CACNA1I: variants seen among roughly 807,000 people sequenced by gnomAD.
CACNA1I encodes the protein voltage-dependent T-type calcium channel subunit alpha-1I.
CACNA1I carries 74 observed loss-of-function variants against 201.6 expected under a neutral mutation model. The ratio of observed to expected loss-of-function variants is 0.37; its 90% CI spans 0.30 to 0.45. The LOEUF (loss-of-function observed/expected upper bound fraction) is 0.45. CACNA1I is among the 20% of genes least tolerant of loss of function. The probability of loss-of-function intolerance (pLI) is 1.00; values close to 1 mark genes in which losing one functional copy is unlikely to be tolerated. For missense variants in CACNA1I, 2,346 were observed against 3,138.1 expected (o/e 0.75, Z 6.03); for synonymous variants, 1,431 against 1,345.2 (o/e 1.06, Z -1.40).
intron 7 of CACNA1I, among the ~76,000 whole-genome samples, chr22:39,644,983 C>T (rs1042161083): frequency 1.9e-4 from 29 of 149,842 alleles, no homozygotes; most frequent in African/African-American, 6.4e-4. Context: ...CCGCAGCCCC[C>T]GGCCCCCAGT....
chr22:39,653,692 T>A (rs12170753), intron 10 of CACNA1I, among the ~76,000 whole-genome samples: 1 of 152,060 alleles, frequency 6.6e-6, no homozygotes, highest in East Asian at 1.9e-4. Context: ...TGGGGCAGAG[T>A]GACCTCAGGC....
intron 1 of CACNA1I, among the ~76,000 whole-genome samples, chr22:39,586,561 G>A (rs1211176852): frequency 6.6e-6 from 1 of 152,136 alleles, no homozygotes; most frequent in Non-Finnish European, 1.5e-5. Flanking sequence ...GCACAGAAAA[G>A]GTTAAGAACC....
chr22:39,591,649 C>T (rs1194508744), intron 1 of CACNA1I, among the ~76,000 whole-genome samples: 1 of 152,148 alleles, frequency 6.6e-6, no homozygotes, highest in Admixed American at 6.5e-5. Flanking sequence ...ACCTCCACCT[C>T]CCGGGTTCAA....
chr22:39,598,428 T>C (rs576745654), intron 2 of CACNA1I, among the ~76,000 whole-genome samples, 166 bp downstream of exon 2: 1 of 147,358 alleles, frequency 6.8e-6, no homozygotes, highest in East Asian at 2.0e-4. Flanking sequence ...TACCAAGCGC[T>C]GCCGCACTCA....
chr22:39,607,012 C>A (rs1933239693), intron 3 of CACNA1I, among the ~76,000 whole-genome samples: 1 of 152,072 alleles, frequency 6.6e-6, no homozygotes, highest in African/African-American at 2.4e-5. Flanking sequence ...ATGGCCATTG[C>A]CACCTGTGGG....
At position 39,686,362 on chromosome 22, in the gene CACNA1I, G is replaced by T; in HGVS notation, c.6629G>T (p.Gly2210Val). 1 of 1,312,744 alleles carries T rather than the reference G, an allele frequency of 7.6e-7. No homozygotes were observed. Among genetic ancestry groups the T allele is most frequent in the Non-Finnish European group, 9.7e-7 (1 of 1,028,662 alleles). The allele number at this position is 1,312,744 out of a possible 1,614,324, so 81.3% of individuals were successfully genotyped here. ...GCGCCCCCGCCGCAACCGCTCCCCG[G>T]AGAGCTGGAGCCGGGAGACGCCGCC... The part of the protein sequence containing the change: ...PLAPPPQPLP[G>V]ELEPGDAASK... Residue 2210 changes from glycine to valine, a missense_variant, in exon 37 of 37, where the codon GGA becomes GTA. Gly to Val is a moderately radical substitution (Grantham distance 109). This residue lies in a region of CACNA1I where 187 missense variants were observed against 151.0 expected (regional missense o/e 1.24). Coordinates refer to ENST00000402142, the MANE Select transcript of CACNA1I (RefSeq NM_021096.4).
chr22:39,632,232 C>T (rs1934083507), intron 4 of CACNA1I, among the ~76,000 whole-genome samples: 1 of 152,198 alleles, frequency 6.6e-6, no homozygotes, highest in South Asian at 2.1e-4. Context: ...GCCTCTTCTC[C>T]AGCTGCTACC....
At chr22:39,583,022 A>G (rs1423770968) in intron 1 of CACNA1I, among the ~76,000 whole-genome samples, 2 of 142,290 alleles carry the variant, frequency 1.4e-5, no homozygotes, top group Non-Finnish European at 3.1e-5. Context: ...CTTTCCATCC[A>G]AGCACCCAAC....
intron 1 of CACNA1I, 67 bp from the exon 2 acceptor site, chr22:39,598,084 C>T: frequency 1.1e-6 from 1 of 899,738 alleles, no homozygotes; most frequent in Non-Finnish European, 1.8e-6. Context: ...GGGTATTACA[C>T]TCTAGGGTGC....
rs553639033 is a variant in CACNA1I at position 39,612,299 on chromosome 22, G to A, written c.483-7011G>A. Among the ~76,000 whole-genome samples, 6 of 152,256 alleles carry A rather than the reference G, an allele frequency of 3.9e-5. No homozygotes were observed. The South Asian group carries it at 1.2e-3, about 32-fold the overall frequency. ...GTTGGACTTCCCAGCCTCCAGAATC[G>A]TAAACCAAATTAATTTCTTTTTTAA... On this transcript the variant is annotated intron_variant, in intron 3 of 36. Coordinates refer to ENST00000402142, the MANE Select transcript of CACNA1I (RefSeq NM_021096.4).
intron 34 of CACNA1I, 24 bp downstream of exon 34, chr22:39,681,076 A>C (rs558335078): frequency 1.3e-6 from 2 of 1,598,334 alleles, no homozygotes; most frequent in Non-Finnish European, 1.7e-6. Flanking sequence ...GGGACTCCTG[A>C]GCAGGCGGGT....
At chr22:39,673,209 G>A (rs1380744714) in intron 28 of CACNA1I, 127 bp downstream of exon 28, 1 of 1,039,202 alleles carries the variant, frequency 9.6e-7, no homozygotes, top group Non-Finnish European at 1.4e-6. Context: ...AGGCATGGTG[G>A]GCTCCTTGCT....
At chr22:39,587,512 A>G (rs1443450566) in intron 1 of CACNA1I, among the ~76,000 whole-genome samples, 3 of 152,024 alleles carry the variant, frequency 2.0e-5, no homozygotes, top group African/African-American at 7.2e-5. Context: ...TCATGGCCAT[A>G]AAGTGGGGTG....
At chr22:39,625,016 T>C (rs979276175) in intron 4 of CACNA1I, among the ~76,000 whole-genome samples, 2 of 150,238 alleles carry the variant, frequency 1.3e-5, no homozygotes, top group Non-Finnish European at 2.9e-5. Context: ...CAAGAGATTC[T>C]CCTGCCTCAG....
In CACNA1I at chr22:39,662,659, G is replaced by A. The variant is rs147004463; in HGVS notation, c.3373-117G>A. 139 of 777,936 alleles carry A rather than the reference G, an allele frequency of 1.8e-4. No homozygotes were observed. The African/African-American group carries it at 2.2e-3, about 12-fold the overall frequency. The allele number at this position is 777,936 out of a possible 1,614,324, so 48.2% of individuals were successfully genotyped here. A position where few individuals can be genotyped will look rare whatever the true frequency, so the allele number is the denominator to read the frequency against. ...AGAGAAGCCCTCCCTGGCTGCCCCC[G>A]GGGGGCAGAGAGTTCGGAGGTGACC... On this transcript the variant is annotated intron_variant, in intron 17 of 36. Transcript: ENST00000402142.
chr22:39,663,874 G>T, intron 19 of CACNA1I, 33 bp downstream of exon 19: 1 of 1,611,520 alleles, frequency 6.2e-7, no homozygotes. Flanking sequence ...CAGGGCAGGC[G>T]CCAGGCCAAG....
At position 39,682,513 on chromosome 22, in the gene CACNA1I, T is replaced by C; in HGVS notation, c.5682T>C (p.Pro1894=). Residue 1894 remains proline (P), a synonymous_variant, in exon 35 of 37, where the codon CCT becomes CCC. Transcript: ENST00000402142. ...CCTTGCAGGGTGAGCTGGACCCACC[T>C]GAGCCCATGCGTGTGGGAGACCTGG... ...RKDSKGELDP[P]EPMRVGDLGE... 1 of 1,613,522 alleles carries C rather than the reference T, an allele frequency of 6.2e-7. No homozygotes were observed. Among genetic ancestry groups the C allele is most frequent in the Non-Finnish European group, 8.5e-7 (1 of 1,179,642 alleles).
intron 1 of CACNA1I, among the ~76,000 whole-genome samples, chr22:39,580,215 G>A (rs564894839): frequency 7.9e-5 from 12 of 152,338 alleles, no homozygotes; most frequent in African/African-American, 2.4e-4. Context: ...CTGTCCAGAC[G>A]GGAGGCCAGC....
Position 39,662,891 on chromosome 22 carries a change from G to A in CACNA1I, c.3473+15G>A. ...CCCGAGAACAGGTGGGCAGGGCCAG[G>A]CCTGGGGTGAGGGTTAGAGTAGGGG... On this transcript the variant is annotated intron_variant, in intron 18 of 36. Coordinates refer to ENST00000402142, the MANE Select transcript of CACNA1I (RefSeq NM_021096.4). The A allele has an allele frequency of 5.9e-6, 9 of 1,512,628 alleles. No individual in the cohort carries two copies. Among genetic ancestry groups the A allele is most frequent in the Non-Finnish European group, 8.1e-6 (9 of 1,104,584 alleles). 93.7% of individuals were successfully genotyped at this position (1,512,628 alleles called of 1,614,324 possible).
Sources: allele counts gnomAD v4.1 joint callset (sites outside exome capture counted in the v4.1 genomes callset), GRCh38; gene constraint gnomAD v4.1.1; regional missense constraint gnomAD v4.1.1; transcripts MANE v1.5; gene names NCBI Gene and HGNC (gene_info 2026-07-23, HGNC 2026-07-21).